Variants in CSMD1 observed in about 807,000 individuals in gnomAD.
The protein encoded by CSMD1 is CUB and sushi domain-containing protein 1.
A neutral mutation model predicts 417.5 loss-of-function variants in CSMD1; 213 were observed. That is an observed-to-expected ratio of 0.51 (90% CI 0.46 to 0.57). The LOEUF (loss-of-function observed/expected upper bound fraction) is 0.57, where lower values mean the gene tolerates loss of function less well. Ranked by LOEUF, CSMD1 falls within the 20% of genes least tolerant of loss-of-function variation. CSMD1 has a pLI of 0.00. For missense variants in CSMD1, 6,923 were observed against 4,529.7 expected, an observed-to-expected ratio of 1.53 and a Z score of -15.17; for synonymous variants, 2,862 against 1,736.8, an observed-to-expected ratio of 1.65 and a Z score of -16.11.
At chr8:3,670,322 C>T (rs1482371892) in intron 7 of CSMD1, among the ~76,000 whole-genome samples, 1 of 151,894 alleles carries the variant, frequency 6.6e-6, no homozygotes, top group African/African-American at 2.4e-5. Context: ...CCTCCAGCAT[C>T]AGACTCCAAG....
intron 7 of CSMD1, among the ~76,000 whole-genome samples, chr8:3,666,234 G>A (rs976232115): frequency 6.6e-6 from 1 of 152,000 alleles, no homozygotes; most frequent in South Asian, 2.1e-4. Context: ...CCACCACACT[G>A]GTGAGACTTT....
chr8:4,488,053 G>T (rs967242841), intron 2 of CSMD1, among the ~76,000 whole-genome samples: 1 of 152,182 alleles, frequency 6.6e-6, no homozygotes, highest in Admixed American at 6.5e-5. Flanking sequence ...TGGAGCCCTT[G>T]TCTCTTTCTG....
chr8:4,265,362 T>TTACATA (rs1415662556), intron 3 of CSMD1, among the ~76,000 whole-genome samples: 4 of 108,584 alleles, frequency 3.7e-5, no homozygotes, highest in South Asian at 3.4e-4. Context: ...CTCTGCACAG[T>TTACATA]ATCATTTGAC....
intron 2 of CSMD1, among the ~76,000 whole-genome samples, chr8:4,530,266 C>T (rs1796735883): frequency 1.4e-5 from 2 of 141,482 alleles, no homozygotes; most frequent in East Asian, 2.3e-4. Context: ...CTTCATCATC[C>T]GGATTTAAAT....
intron 7 of CSMD1, among the ~76,000 whole-genome samples, chr8:3,673,863 A>T (rs1215958523): frequency 6.6e-6 from 1 of 152,046 alleles, no homozygotes; most frequent in Non-Finnish European, 1.5e-5. Flanking sequence ...CACCCCTGTA[A>T]TCCTAGCACT....
chr8:4,506,662 G>C (rs1031407392), intron 2 of CSMD1, among the ~76,000 whole-genome samples: 2 of 152,126 alleles, frequency 1.3e-5, no homozygotes, highest in Admixed American at 6.6e-5. Context: ...TATAATTTCA[G>C]TGTGTTTTTC....
chr8:4,039,331 T>G (rs12677236), intron 3 of CSMD1, among the ~76,000 whole-genome samples: 2 of 152,064 alleles, frequency 1.3e-5, no homozygotes, highest in Admixed American at 1.3e-4. Flanking sequence ...TGTGTTTGTT[T>G]TGGACTATTT....
intron 11 of CSMD1, 87 bp downstream of exon 11, chr8:3,493,536 T>C (rs1585247962): frequency 1.7e-6 from 2 of 1,154,034 alleles, no homozygotes; most frequent in East Asian, 2.6e-5. Context: ...TGAGGCCGAA[T>C]TACAAGCCTG....
intron 16 of CSMD1, 21 bp downstream of exon 16, chr8:3,399,370 G>C: frequency 6.3e-7 from 1 of 1,584,956 alleles, no homozygotes; most frequent in Non-Finnish European, 8.6e-7. Flanking sequence ...GGGTCCAAAT[G>C]AAGACTAATT....
In CSMD1 at chr8:2,966,658, G is replaced by C; in HGVS notation, c.9012C>G (p.Ala3004=). The change falls in exon 58 of 70, where the codon GCC becomes GCG. Residue 3004 remains alanine (A), a synonymous_variant. Coordinates refer to ENST00000635120, the MANE Select transcript of CSMD1 (RefSeq NM_033225.6). ...GILFSSSVIY[A]CWEGYKTSGL... is the part of the protein sequence containing the mutation. ...CTGAGGTCTTGTAGCCTTCCCAGCA[G>C]GCATAGATGACCGAGCTGGAGAACA... is the stretch of plus-strand genomic sequence containing the variant. The C allele has an allele frequency of 1.9e-6, 3 of 1,613,714 alleles. No homozygotes were observed. The highest frequency in any genetic ancestry group is 2.5e-6 in the Non-Finnish European group (3 of 1,179,776).
rs375317393 is a variant in CSMD1, at chr8:4,041,669, C to A, written c.416-9570G>T. Reference sequence around the variant, plus strand: ...GAAAACTCAATCAATGAAAAGTGAGCCAGAAATAAAACAGAATTTTCAATC... The same window carrying A: ...GAAAACTCAATCAATGAAAAGTGAGACAGAAATAAAACAGAATTTTCAATC... On this transcript the variant is annotated intron_variant, in intron 3 of 69. Coordinates refer to ENST00000635120, the MANE Select transcript of CSMD1 (RefSeq NM_033225.6). Among the ~76,000 whole-genome samples the A allele has an allele frequency of 9.2e-5, 14 of 152,140 alleles. No homozygotes were observed. In the East Asian group the frequency reaches 1.5e-3, roughly 17 times the overall value.
intron 5 of CSMD1, among the ~76,000 whole-genome samples, chr8:3,987,825 A>T (rs998390804): frequency 6.6e-6 from 1 of 152,216 alleles, no homozygotes; most frequent in Admixed American, 6.5e-5. Flanking sequence ...CCATAGTTCC[A>T]GATGTTAATT....
chr8:4,819,366 G>GA (rs1799389186), intron 1 of CSMD1, among the ~76,000 whole-genome samples: 1 of 152,076 alleles, frequency 6.6e-6, no homozygotes, highest in African/African-American at 2.4e-5. Context: ...ACTTGACATG[G>GA]AAATAGGCCT....
intron 1 of CSMD1, among the ~76,000 whole-genome samples, chr8:4,673,602 T>G (rs1805488021): frequency 6.6e-6 from 1 of 152,160 alleles, no homozygotes; most frequent in African/African-American, 2.4e-5. Context: ...TGGGGGCAAT[T>G]CACAGACTAC....
At chr8:4,486,989 G>A (rs950370247) in intron 2 of CSMD1, among the ~76,000 whole-genome samples, 1 of 152,112 alleles carries the variant, frequency 6.6e-6, no homozygotes, top group Non-Finnish European at 1.5e-5. Flanking sequence ...GGCTACACAC[G>A]CCTTCCACAT....
chr8:3,545,453 A>G (rs560187660), intron 10 of CSMD1, among the ~76,000 whole-genome samples: 3 of 152,230 alleles, frequency 2.0e-5, no homozygotes, highest in Non-Finnish European at 4.4e-5. Flanking sequence ...TGCAAAACAG[A>G]AGGTAAATTT....
intron 3 of CSMD1, among the ~76,000 whole-genome samples, chr8:4,043,749 A>G (rs1003337127): frequency 6.6e-6 from 1 of 152,226 alleles, no homozygotes; most frequent in Non-Finnish European, 1.5e-5. Flanking sequence ...TACTATTGAT[A>G]TCTTGCTGAG....
chr8:3,074,965 G>A (rs1479746524), intron 49 of CSMD1, among the ~76,000 whole-genome samples: 1 of 152,104 alleles, frequency 6.6e-6, no homozygotes, highest in Non-Finnish European at 1.5e-5. Flanking sequence ...GGATGATGGG[G>A]CCGGATTTCT....
At chr8:4,501,970 C>G (rs1802281591) in intron 2 of CSMD1, among the ~76,000 whole-genome samples, 1 of 152,052 alleles carries the variant, frequency 6.6e-6, no homozygotes. Flanking sequence ...AGAGGTGTAA[C>G]TGAAATGCAT....
Sources: allele counts gnomAD v4.1 joint callset (sites outside exome capture counted in the v4.1 genomes callset), GRCh38; gene constraint gnomAD v4.1.1; transcripts MANE v1.5; gene names NCBI Gene and HGNC (gene_info 2026-07-23, HGNC 2026-07-21).